The following MYH11 variants were observed in gnomAD, a reference collection of about 807,000 sequenced individuals.
The protein encoded by MYH11 is myosin heavy chain 11, also known as myosin-11.
Under a neutral mutation model 246.6 loss-of-function variants are expected in MYH11, and 80 were observed. The ratio of observed to expected loss-of-function variants is 0.32; its 90% CI spans 0.27 to 0.39. MYH11 has a LOEUF of 0.39. MYH11 is among the 10% of genes least tolerant of loss of function. MYH11 has a pLI of 1.00. For missense variants in MYH11, 2,158 were observed against 2,546.8 expected, an observed-to-expected ratio of 0.85 and a Z score of 3.29; for synonymous variants, 1,071 against 1,015.5, an observed-to-expected ratio of 1.05 and a Z score of -1.04.
chr16:15,739,836 G>C (rs1246390067), intron 23 of MYH11, among the ~76,000 whole-genome samples: 3 of 151,316 alleles, frequency 2.0e-5, no homozygotes, highest in Non-Finnish European at 3.0e-5. Flanking sequence ...CTACCTCCCA[G>C]GTTCAAGTGA....
chr16:15,819,768 A>G (rs1299655883), intron 3 of MYH11, among the ~76,000 whole-genome samples: 1 of 152,206 alleles, frequency 6.6e-6, no homozygotes, highest in Non-Finnish European at 1.5e-5. Flanking sequence ...CCTGCGGTCC[A>G]TGGAAAAACT....
intron 2 of MYH11, among the ~76,000 whole-genome samples, chr16:15,826,433 T>G (rs2151365789): frequency 6.6e-6 from 1 of 151,232 alleles, no homozygotes; most frequent in Admixed American, 6.6e-5. Context: ...TATAAGAAAT[T>G]TAAAAATTAG....
At chr16:15,848,944 C>T (rs775655996) in intron 1 of MYH11, among the ~76,000 whole-genome samples, 26 of 152,182 alleles carry the variant, frequency 1.7e-4, no homozygotes, top group Admixed American at 7.9e-4. Context: ...CCCAACCCTC[C>T]CTCCTCCACC....
intron 10 of MYH11, among the ~76,000 whole-genome samples, chr16:15,762,110 GA>G (rs1303400466): frequency 1.1e-4 from 16 of 152,218 alleles, no homozygotes; most frequent in African/African-American, 3.6e-4. Flanking sequence ...GAGTAGCTGG[GA>G]TTACAGGCGC....
At chr16:15,752,143 T>C (rs2041589831) in intron 15 of MYH11, among the ~76,000 whole-genome samples, 1 of 151,970 alleles carries the variant, frequency 6.6e-6, no homozygotes, top group Non-Finnish European at 1.5e-5. Context: ...CCCACAAGAC[T>C]GTGGGTCCCG....
intron 3 of MYH11, among the ~76,000 whole-genome samples, chr16:15,823,052 G>T (rs1266649030): frequency 6.6e-6 from 1 of 152,264 alleles, no homozygotes; most frequent in East Asian, 1.9e-4. Context: ...GCCCATGCCC[G>T]TATTTGCCCA....
intron 22 of MYH11, 103 bp from the exon 23 acceptor site, chr16:15,740,291 A>C (rs1444010013): frequency 4.5e-6 from 7 of 1,540,850 alleles, no homozygotes; most frequent in Non-Finnish European, 6.2e-6. Flanking sequence ...GAAGATGCCC[A>C]GAACTCTGTA....
intron 25 of MYH11, 104 bp downstream of exon 25, chr16:15,737,345 G>A: frequency 6.7e-7 from 1 of 1,499,036 alleles, no homozygotes; most frequent in Non-Finnish European, 9.1e-7. Flanking sequence ...CATGCCAAGG[G>A]CCTGGGGCCG....
intron 3 of MYH11, among the ~76,000 whole-genome samples, chr16:15,803,072 G>C (rs548167830): frequency 3.9e-5 from 6 of 151,956 alleles, no homozygotes; most frequent in African/African-American, 1.2e-4. Context: ...AGGAGGTGGA[G>C]GTTGCAGTGA....
intron 33 of MYH11, 129 bp from the exon 34 acceptor site, chr16:15,720,441 T>C (rs1426390583): frequency 3.9e-6 from 5 of 1,292,266 alleles, no homozygotes; most frequent in Non-Finnish European, 5.4e-6. Context: ...TCATCCCCAG[T>C]TGCAGATGAG....
chr16:15,757,856 G>A lies in MYH11; in HGVS notation c.1546C>T (p.Gln516Ter). 6.2e-7 allele frequency: 1 copy of A among 1,614,224 alleles called. No individual in the cohort carries two copies. Among genetic ancestry groups the A allele is most frequent in the Non-Finnish European group, 8.5e-7 (1 of 1,180,036 alleles). Residue 516 changes from glutamine to a stop codon, truncating the protein, a stop_gained, in exon 13 of 41, where the codon CAG becomes TAG. Coordinates refer to ENST00000300036, the MANE Select transcript of MYH11 (RefSeq NM_002474.3). LOFTEE classifies it high-confidence loss of function. ...CGCTCGATGAGCTCGATGCAGGGCTGTAGGTCCAGCCCAAAGTCGATGAAG... is the reference window on the plus strand; with the variant it reads ...CGCTCGATGAGCTCGATGCAGGGCTATAGGTCCAGCCCAAAGTCGATGAAG... Reference protein sequence around the residue: ...WNFIDFGLDLQPCIELIERPN... With the variant: ...WNFIDFGLDL
chr16:15,799,415 T>C (rs983920350), intron 3 of MYH11, among the ~76,000 whole-genome samples: 1 of 152,210 alleles, frequency 6.6e-6, no homozygotes, highest in African/African-American at 2.4e-5. Flanking sequence ...TTCTGTCATT[T>C]ACCTAGCCTG....
chr16:15,734,971 G>A (rs1377116566), intron 26 of MYH11, among the ~76,000 whole-genome samples: 5 of 152,054 alleles, frequency 3.3e-5, no homozygotes, highest in Admixed American at 6.6e-5. Context: ...CTTGAGGCCA[G>A]GAGTTCAAGT....
At chr16:15,760,786 C>A in intron 10 of MYH11, 128 bp from the exon 11 acceptor site, 1 of 777,896 alleles carries the variant, frequency 1.3e-6, no homozygotes, top group South Asian at 1.4e-5. Flanking sequence ...ACCCGCTGAC[C>A]ATGAATATAG....
At chr16:15,740,917 A>G (rs2041255616) in intron 22 of MYH11, among the ~76,000 whole-genome samples, 1 of 152,162 alleles carries the variant, frequency 6.6e-6, no homozygotes, top group Admixed American at 6.5e-5. Flanking sequence ...CTCTGCTGCC[A>G]TATTGGAAGG....
At chr16:15,734,398 A>G (rs1305942479) in intron 26 of MYH11, among the ~76,000 whole-genome samples, 2 of 152,112 alleles carry the variant, frequency 1.3e-5, no homozygotes, top group Non-Finnish European at 2.9e-5. Flanking sequence ...TCCCAGATTC[A>G]AGTGACTCTA....
At chr16:15,823,477 T>G in intron 2 of MYH11, 66 bp from the exon 3 acceptor site, 5 of 1,586,902 alleles carry the variant, frequency 3.2e-6, no homozygotes, top group Non-Finnish European at 4.3e-6. Context: ...ACAGAAGCAC[T>G]CAATATTCTC....
At chr16:15,760,689 A>C in intron 10 of MYH11, 31 bp from the exon 11 acceptor site, 1 of 1,394,484 alleles carries the variant, frequency 7.2e-7, no homozygotes, top group Non-Finnish European at 1.0e-6. Flanking sequence ...TCGTGAGTGC[A>C]TCACAAAAGA....
intron 16 of MYH11, chr16:15,749,907 G>A: frequency 1.6e-6 from 1 of 608,216 alleles, no homozygotes; most frequent in South Asian, 2.0e-5. Context: ...GAATGAATGA[G>A]TGGCTGGATG....
Sources: allele counts gnomAD v4.1 joint callset (sites outside exome capture counted in the v4.1 genomes callset), GRCh38; gene constraint gnomAD v4.1.1; transcripts MANE v1.5; gene names NCBI Gene and HGNC (gene_info 2026-07-23, HGNC 2026-07-21).